The following CADM2 variants were observed in gnomAD, a reference collection of about 807,000 sequenced individuals.
The protein encoded by CADM2 is cell adhesion molecule 2.
A neutral mutation model predicts 49.8 loss-of-function variants in CADM2; 12 were observed. That is an observed-to-expected ratio of 0.24 (90% confidence interval 0.15 to 0.39). CADM2 has a LOEUF of 0.39. CADM2 is among the 10% of genes least tolerant of loss of function. The pLI is 1.00. For synonymous variants in CADM2, 214 were observed against 175.4 expected (o/e 1.22, Z -1.74); for missense variants, 378 against 492.3 (o/e 0.77, Z 2.20).
chr3:85,045,803 G>A (rs2035631920), intron 1 of CADM2, among the ~76,000 whole-genome samples: 1 of 152,128 alleles, frequency 6.6e-6, no homozygotes, highest in South Asian at 2.1e-4. Context: ...AACATGACTT[G>A]AATATTTCCT....
At chr3:85,849,654 A>G (rs1260316861) in intron 3 of CADM2, among the ~76,000 whole-genome samples, 1 of 152,190 alleles carries the variant, frequency 6.6e-6, no homozygotes, top group Non-Finnish European at 1.5e-5. Context: ...AGTATTAATC[A>G]TCATATATAA....
At chr3:85,479,822 T>C (rs901327069) in intron 1 of CADM2, among the ~76,000 whole-genome samples, 1 of 151,952 alleles carries the variant, frequency 6.6e-6, no homozygotes, top group East Asian at 1.9e-4. Flanking sequence ...GAAAAGGATA[T>C]GTCCTGTTTT....
chr3:85,568,516 C>CTT lies in CADM2; in HGVS notation c.62-158005_62-158004insTT, dbSNP rs1559916306. On this transcript the variant is annotated intron_variant, in intron 1 of 9. Transcript: ENST00000383699. ...CTTTCTTTCTTTCTTTCTTTCTTTCCTCCCTCCCTCCCTCTCTCTTTTCTT... is the reference window on the plus strand; with the variant it reads ...CTTTCTTTCTTTCTTTCTTTCTTTCCTTTCCCTCCCTCCCTCTCTCTTTTCTT... 4.6e-4 allele frequency among the ~76,000 whole-genome samples: 34 copies of CTT among 74,572 alleles called. 3 individuals carry two copies. Among genetic ancestry groups the CTT allele is most frequent in the South Asian group, 2.6e-3 (5 of 1,912 alleles). The allele number at this position is 74,572 out of a possible 152,430, so 48.9% of individuals were successfully genotyped here. A position where few individuals can be genotyped will look rare whatever the true frequency, so the allele number is the denominator to read the frequency against.
At chr3:85,393,356 G>A (rs969197981) in intron 1 of CADM2, among the ~76,000 whole-genome samples, 1 of 152,084 alleles carries the variant, frequency 6.6e-6, no homozygotes, top group Non-Finnish European at 1.5e-5. Flanking sequence ...AGTGATGGTG[G>A]TACAAACAAT....
At chr3:85,674,887 G>T (rs1420884628) in intron 1 of CADM2, among the ~76,000 whole-genome samples, 1 of 151,968 alleles carries the variant, frequency 6.6e-6, no homozygotes, top group East Asian at 1.9e-4. Context: ...TCTAAATATC[G>T]AATTTCTGTT....
intron 1 of CADM2, among the ~76,000 whole-genome samples, chr3:85,449,742 G>C (rs1387382423): frequency 6.6e-6 from 1 of 152,060 alleles, no homozygotes; most frequent in Non-Finnish European, 1.5e-5. Context: ...GAATATTACA[G>C]GGTTAAGGAA....
chr3:85,415,432 C>A (rs1273821677), intron 1 of CADM2, among the ~76,000 whole-genome samples: 4 of 106,564 alleles, frequency 3.8e-5, no homozygotes, highest in African/African-American at 1.3e-4. Flanking sequence ...AAAAAAAAAA[C>A]TAGCCTAGAA....
chr3:85,135,032 A>C (rs1037184327), intron 1 of CADM2, among the ~76,000 whole-genome samples: 1 of 151,912 alleles, frequency 6.6e-6, no homozygotes, highest in Non-Finnish European at 1.5e-5. Flanking sequence ...GTAATTTTTA[A>C]CAAAAAAAGC....
intron 8 of CADM2, among the ~76,000 whole-genome samples, chr3:85,988,303 C>T (rs1728361246): frequency 6.6e-6 from 1 of 152,126 alleles, no homozygotes; most frequent in African/African-American, 2.4e-5. Context: ...TTAAATTAAG[C>T]TATGGCCAGA....
intron 8 of CADM2, among the ~76,000 whole-genome samples, chr3:86,063,472 C>A (rs1444998480): frequency 6.6e-6 from 1 of 152,130 alleles, no homozygotes; most frequent in Non-Finnish European, 1.5e-5. Context: ...TCTATTCATT[C>A]TTTTTTGCTT....
chr3:86,023,044 G>A (rs1221160105), intron 8 of CADM2, among the ~76,000 whole-genome samples: 2 of 152,076 alleles, frequency 1.3e-5, no homozygotes, highest in African/African-American at 4.8e-5. Flanking sequence ...GATCTTCAGG[G>A]TTCTAGCATT....
At chr3:85,541,799 AGTG>A (rs2061555526) in intron 1 of CADM2, among the ~76,000 whole-genome samples, 1 of 141,210 alleles carries the variant, frequency 7.1e-6, no homozygotes, top group African/African-American at 2.7e-5. Context: ...ATATATGTAT[AGTG>A]TTTATGTCAG....
chr3:85,325,518 T>C (rs1389936685), intron 1 of CADM2, among the ~76,000 whole-genome samples: 1 of 152,024 alleles, frequency 6.6e-6, no homozygotes, highest in East Asian at 1.9e-4. Context: ...GAGACCAGGA[T>C]GGCCAACATG....
rs143710670 is a variant in CADM2 at position 85,043,747 on chromosome 3, C to T, written c.61+84079C>T. ...TATGTTTCTCCTTAAGTCCCCAATACTGTCTTCCTTTTCTGGTCAAATTTA... is the reference window on the plus strand; with the variant it reads ...TATGTTTCTCCTTAAGTCCCCAATATTGTCTTCCTTTTCTGGTCAAATTTA... On this transcript the variant is annotated intron_variant, in intron 1 of 9. Transcript: ENST00000383699. 2.0e-5 allele frequency among the ~76,000 whole-genome samples: 3 copies of T among 152,164 alleles called. No individual in the cohort carries two copies. The East Asian group carries it at 5.8e-4, about 29-fold the overall frequency.
intron 8 of CADM2, among the ~76,000 whole-genome samples, chr3:86,009,673 T>C (rs1365162521): frequency 6.6e-6 from 1 of 151,886 alleles, no homozygotes; most frequent in African/African-American, 2.4e-5. Context: ...TTCTCCCCCA[T>C]GGGCTGTTAA....
chr3:85,513,440 A>G (rs1340578633), intron 1 of CADM2, among the ~76,000 whole-genome samples: 1 of 151,942 alleles, frequency 6.6e-6, no homozygotes, highest in Non-Finnish European at 1.5e-5. Flanking sequence ...TTTTTTGATG[A>G]TTATACATTA....
chr3:85,323,045 T>G (rs2044658126), intron 1 of CADM2, among the ~76,000 whole-genome samples: 1 of 152,208 alleles, frequency 6.6e-6, no homozygotes, highest in South Asian at 2.1e-4. Context: ...TTTAACATTT[T>G]GGAAAAATTG....
At chr3:85,867,554 A>C (rs2075769689) in intron 3 of CADM2, among the ~76,000 whole-genome samples, 2 of 152,128 alleles carry the variant, frequency 1.3e-5, no homozygotes, top group African/African-American at 4.8e-5. Flanking sequence ...TAAACAATAA[A>C]TATTTTAAAA....
chr3:85,341,535 T>C (rs1200753839), intron 1 of CADM2, among the ~76,000 whole-genome samples: 1 of 151,650 alleles, frequency 6.6e-6, no homozygotes, highest in Non-Finnish European at 1.5e-5. Context: ...TTAAAATGAG[T>C]TATATAGATC....
Sources: gnomAD v4.1 joint callset for allele counts (sites outside exome capture counted in the v4.1 genomes callset) on GRCh38, gnomAD v4.1.1 for gene constraint, MANE v1.5 for transcripts, NCBI Gene and HGNC (gene_info 2026-07-23, HGNC 2026-07-21) for gene names.